Variants in SYNE1 observed in about 807,000 individuals in gnomAD.
SYNE1 encodes nesprin-1.
In SYNE1, 616 loss-of-function variants were observed where a neutral mutation model predicts 1,111.0. The ratio of observed to expected loss-of-function variants is 0.55; its 90% confidence interval spans 0.52 to 0.59. SYNE1 has a LOEUF of 0.59. SYNE1 is among the 20% of genes least tolerant of loss of function. SYNE1 has a pLI of 0.00. For synonymous variants in SYNE1, 3,855 were observed against 3,825.8 expected, an observed-to-expected ratio of 1.01 and a Z score of -0.28; for missense variants, 10,006 against 10,417.0, an observed-to-expected ratio of 0.96 and a Z score of 1.72.
intron 3 of SYNE1, among the ~76,000 whole-genome samples, chr6:152,548,184 G>A (rs990014746): frequency 5.3e-5 from 8 of 152,212 alleles, no homozygotes; most frequent in Non-Finnish European, 1.5e-5. Context: ...TGGGGGCACA[G>A]AATGCACTAC....
rs1197167412 is a variant in SYNE1 at position 152,268,140 on chromosome 6, T to G, written c.18731A>C (p.Gln6244Pro). 1 of 1,614,200 alleles carries G rather than the reference T, an allele frequency of 6.2e-7. No homozygotes were observed. Among genetic ancestry groups the G allele is most frequent in the Non-Finnish European group, 8.5e-7 (1 of 1,180,010 alleles). ...QKELEQELAE[Q>P]KSLLRSVASR... ...GGCTACTGAGCGAAGGAGACTCTTCTGCTCGGCTAATTCCTGTTCTAACTC... is the reference window on the plus strand; with the variant it reads ...GGCTACTGAGCGAAGGAGACTCTTCGGCTCGGCTAATTCCTGTTCTAACTC... Residue 6244 changes from glutamine (Q) to proline (P), a missense_variant, in exon 100 of 146, where the codon CAG (glutamine) becomes CCG (proline). Physicochemically the swap from Gln to Pro is moderately conservative, Grantham distance 76. Transcript: ENST00000367255.
intron 2 of SYNE1, among the ~76,000 whole-genome samples, chr6:152,632,927 A>G (rs573309952): frequency 6.6e-6 from 1 of 152,256 alleles, no homozygotes; most frequent in South Asian, 2.1e-4. Flanking sequence ...CCTAAAATGC[A>G]GAGGTACTCC....
chr6:152,505,397 C>T lies in SYNE1; in HGVS notation c.582G>A (p.Lys194=). ...AATCTTTTACTTCTATTCCAGTCTGCCTTTGTGTTATAAAAACATAAAATG... is the reference window on the plus strand; with the variant it reads ...AATCTTTTACTTCTATTCCAGTCTGTCTTTGTGTTATAAAAACATAAAATG... ...LLKWVQYTAG[K]QTGIEVKDFG... Residue 194 remains lysine, a splice_region_variant and synonymous_variant, in exon 9 of 146, where the codon AAG becomes AAA. Coordinates refer to ENST00000367255, the MANE Select transcript of SYNE1 (RefSeq NM_182961.4). 1 of 1,613,680 alleles carries T rather than the reference C, an allele frequency of 6.2e-7. No homozygotes were observed. Among genetic ancestry groups the T allele is most frequent in the Non-Finnish European group, 8.5e-7 (1 of 1,179,962 alleles).
chr6:152,539,838 G>A, intron 4 of SYNE1, 122 bp downstream of exon 4: 1 of 1,102,154 alleles, frequency 9.1e-7, no homozygotes, highest in South Asian at 1.3e-5. Flanking sequence ...CAACCAATAA[G>A]ATTACAGTAT....
At position 152,122,455 on chromosome 6, in the gene SYNE1, T is replaced by C. The variant is rs754932611; in HGVS notation, c.26375A>G (p.Asn8792Ser). ...CTTAGTTCAGAGTGGAGGAGGGCCATTCGTGTATCTGAGCATGGGGTGGAA... is the reference window on the plus strand; with the variant it reads ...CTTAGTTCAGAGTGGAGGAGGGCCACTCGTGTATCTGAGCATGGGGTGGAA... ...RSFHPMLRYT[N>S]GPPPL is the part of the protein sequence containing the mutation. Residue 8792 changes from asparagine (N) to serine (S), a missense_variant, in exon 146 of 146, where the codon AAT becomes AGT. Physicochemically the swap from Asn to Ser is conservative, Grantham distance 46. This residue lies in a region of SYNE1 where 761 missense variants were observed against 795.5 expected (regional missense o/e 0.96). Transcript: ENST00000367255. 1 of 1,614,182 alleles carries C rather than the reference T, an allele frequency of 6.2e-7. No individual in the cohort carries two copies. Among genetic ancestry groups the C allele is most frequent in the Admixed American group, 1.7e-5 (1 of 60,024 alleles).
chr6:152,532,587 G>A (rs551286630), intron 4 of SYNE1, among the ~76,000 whole-genome samples: 5 of 152,280 alleles, frequency 3.3e-5, no homozygotes, highest in Non-Finnish European at 5.9e-5. Context: ...TTGCTGAACA[G>A]GATGAAGAGT....
intron 3 of SYNE1, among the ~76,000 whole-genome samples, chr6:152,541,997 C>G (rs1382000820): frequency 2.0e-5 from 3 of 151,956 alleles, no homozygotes; most frequent in African/African-American, 7.3e-5. Flanking sequence ...TAGTTTAATA[C>G]CTTCAAAAGA....
intron 122 of SYNE1, 80 bp from the exon 123 acceptor site, chr6:152,213,839 A>G (rs772057377): frequency 1.5e-5 from 23 of 1,577,730 alleles, no homozygotes; most frequent in Non-Finnish European, 2.0e-5. Context: ...TAGATTAAAT[A>G]ATCTCTGTGC....
intron 14 of SYNE1, among the ~76,000 whole-genome samples, chr6:152,477,121 A>G (rs2098839590): frequency 1.3e-5 from 2 of 152,202 alleles, no homozygotes; most frequent in African/African-American, 4.8e-5. Flanking sequence ...TGCATTATCA[A>G]TATTGACCCA....
At chr6:152,186,416 C>T (rs1473237984) in intron 128 of SYNE1, among the ~76,000 whole-genome samples, 1 of 151,518 alleles carries the variant, frequency 6.6e-6, no homozygotes, top group African/African-American at 2.4e-5. Flanking sequence ...ATTTACAGGG[C>T]GTGGTGGCAC....
rs952770465 is a variant in SYNE1, at chr6:152,463,239, C to A, written c.2097+114G>T. 2.8e-6 allele frequency: 4 copies of A among 1,443,784 alleles called. No homozygotes were observed. In the Admixed American group the frequency reaches 7.0e-5, roughly 25 times the overall value. 89.4% of individuals were successfully genotyped at this position (1,443,784 alleles called of 1,614,324 possible). Reference sequence around the variant, plus strand: ...TAAAACACACCGGTTTTAAACATATCTATGCTTTGCCTTAATAAACCCGTG... The same window carrying A: ...TAAAACACACCGGTTTTAAACATATATATGCTTTGCCTTAATAAACCCGTG... On this transcript the variant is annotated intron_variant, in intron 19 of 145. Coordinates refer to ENST00000367255, the MANE Select transcript of SYNE1 (RefSeq NM_182961.4).
chr6:152,371,904 A>AC (rs1196038973), intron 59 of SYNE1, among the ~76,000 whole-genome samples: 1,180 of 71,372 alleles, frequency 0.017, 128 homozygotes, highest in African/African-American at 0.046. Flanking sequence ...AAAGGAAAGG[A>AC]AAGGAAAGGA....
intron 2 of SYNE1, among the ~76,000 whole-genome samples, chr6:152,634,940 A>G (rs1198644038): frequency 1.3e-5 from 2 of 152,264 alleles, no homozygotes; most frequent in Non-Finnish European, 2.9e-5. Flanking sequence ...TGTCACATTC[A>G]GACCACAGGG....
At chr6:152,220,609 G>A (rs1309104557) in intron 119 of SYNE1, among the ~76,000 whole-genome samples, 1 of 152,084 alleles carries the variant, frequency 6.6e-6, no homozygotes, top group African/African-American at 2.4e-5. Flanking sequence ...ATTCCACTAG[G>A]AAAAATGGGA....
intron 130 of SYNE1, among the ~76,000 whole-genome samples, chr6:152,173,125 G>A (rs1288575319): frequency 6.6e-6 from 1 of 152,146 alleles, no homozygotes; most frequent in African/African-American, 2.4e-5. Context: ...AATTGACAAT[G>A]CTTGACAACA....
chr6:152,162,690 C>T (rs2062773039), intron 131 of SYNE1, among the ~76,000 whole-genome samples: 1 of 151,832 alleles, frequency 6.6e-6, no homozygotes, highest in Non-Finnish European at 1.5e-5. Context: ...TTTTTTAAAG[C>T]AATGGAATAT....
intron 33 of SYNE1, 79 bp downstream of exon 33, chr6:152,435,862 G>A (rs1271884961): frequency 2.0e-6 from 3 of 1,537,478 alleles, no homozygotes; most frequent in African/African-American, 2.7e-5. Context: ...TTAAAAGAGT[G>A]TTTTGAATAC....
At chr6:152,530,824 C>T (rs1195572817) in intron 4 of SYNE1, among the ~76,000 whole-genome samples, 2 of 151,920 alleles carry the variant, frequency 1.3e-5, no homozygotes, top group African/African-American at 4.8e-5. Context: ...GGGGTTTCAC[C>T]GTGTTAGCCA....
intron 128 of SYNE1, among the ~76,000 whole-genome samples, chr6:152,183,850 A>G (rs1028965948): frequency 6.6e-6 from 1 of 152,224 alleles, no homozygotes; most frequent in African/African-American, 2.4e-5. Flanking sequence ...GAATCAGTAC[A>G]AGATAAGACC....
Sources: allele counts gnomAD v4.1 joint callset (sites outside exome capture counted in the v4.1 genomes callset), GRCh38; gene constraint gnomAD v4.1.1; regional missense constraint gnomAD v4.1.1; transcripts MANE v1.5; gene names NCBI Gene and HGNC (gene_info 2026-07-23, HGNC 2026-07-21).